ASIC2: variants seen among roughly 807,000 people sequenced by gnomAD.
The protein encoded by ASIC2 is acid sensing ion channel subunit 2.
Under a neutral mutation model 57.3 loss-of-function variants are expected in ASIC2, and 25 were observed. The observed-to-expected ratio is 0.44, with a 90% CI of 0.32 to 0.61. The LOEUF is 0.61. Among genes scored for constraint, ASIC2 ranks in the 20% least tolerant of loss-of-function variants. The pLI is 0.06. For synonymous variants in ASIC2, 319 were observed against 307.5 expected, an observed-to-expected ratio of 1.04 and a Z score of -0.39; for missense variants, 641 against 738.1, an observed-to-expected ratio of 0.87 and a Z score of 1.52.
chr17:34,121,175 G>T (rs887021744), intron 1 of ASIC2, among the ~76,000 whole-genome samples: 4 of 152,188 alleles, frequency 2.6e-5, no homozygotes, highest in Non-Finnish European at 4.4e-5. Flanking sequence ...AGCCAGAAGA[G>T]GCAAGAAAGG....
Position 33,965,712 on chromosome 17 carries a change from G to A in ASIC2, c.555+190266C>T, listed in dbSNP as rs528446173. On this transcript the variant is annotated intron_variant, in intron 1 of 9. Transcript: ENST00000359872. ...ATAGATCACAAGGCTTGGAAGTGAC[G>A]GAGCCTGGATCAATTCCCAGGCAGA... Among the ~76,000 whole-genome samples, 140 of 152,286 alleles carry A rather than the reference G, an allele frequency of 9.2e-4. 1 individual carries two copies. Among genetic ancestry groups the A allele is most frequent in the African/African-American group, 1.8e-3 (75 of 41,562 alleles).
chr17:33,980,335 C>A (rs1905567872), intron 1 of ASIC2, among the ~76,000 whole-genome samples: 1 of 152,174 alleles, frequency 6.6e-6, no homozygotes, highest in South Asian at 2.1e-4. Context: ...TTTGTGTCTC[C>A]ATCTCTACCA....
intron 1 of ASIC2, among the ~76,000 whole-genome samples, chr17:34,154,196 G>C (rs1461410267): frequency 6.6e-6 from 1 of 152,236 alleles, no homozygotes; most frequent in Non-Finnish European, 1.5e-5. Flanking sequence ...GCACGGTGCA[G>C]TGGTGAAGCC....
At chr17:33,870,490 A>G (rs1914375770) in intron 1 of ASIC2, among the ~76,000 whole-genome samples, 1 of 151,964 alleles carries the variant, frequency 6.6e-6, no homozygotes, top group African/African-American at 2.4e-5. Flanking sequence ...GGTAGGACAA[A>G]AGGTCATGGT....
At chr17:33,953,132 T>C (rs1188708066) in intron 1 of ASIC2, among the ~76,000 whole-genome samples, 1 of 151,930 alleles carries the variant, frequency 6.6e-6, no homozygotes, top group East Asian at 1.9e-4. Context: ...ATACAATGCA[T>C]TTAAAATTGA....
At chr17:33,734,927 G>C (rs1476724796) in intron 1 of ASIC2, among the ~76,000 whole-genome samples, 1 of 152,150 alleles carries the variant, frequency 6.6e-6, no homozygotes, top group Non-Finnish European at 1.5e-5. Context: ...GGCAACTCAA[G>C]TAGAGAATAC....
At chr17:33,894,926 C>T (rs538002776) in intron 1 of ASIC2, among the ~76,000 whole-genome samples, 4 of 152,132 alleles carry the variant, frequency 2.6e-5, no homozygotes, top group Admixed American at 2.0e-4. Context: ...GAGGATGCAC[C>T]CCATGCATCC....
intron 1 of ASIC2, among the ~76,000 whole-genome samples, chr17:33,318,220 A>G (rs1906733911): frequency 6.6e-6 from 1 of 152,010 alleles, no homozygotes; most frequent in Non-Finnish European, 1.5e-5. Context: ...ATTTCCAGAC[A>G]TGCTCTTTGG....
At chr17:33,822,808 A>G (rs1912786415) in intron 1 of ASIC2, among the ~76,000 whole-genome samples, 1 of 152,154 alleles carries the variant, frequency 6.6e-6, no homozygotes, top group Non-Finnish European at 1.5e-5. Context: ...TCTATACCTA[A>G]TACCTTGGAT....
intron 1 of ASIC2, among the ~76,000 whole-genome samples, chr17:33,930,726 C>T (rs1915912914): frequency 1.3e-5 from 2 of 152,172 alleles, no homozygotes. Context: ...TTGGCAGTGG[C>T]CCCAGTGGGC....
At chr17:33,807,572 T>C (rs1169540388) in intron 1 of ASIC2, among the ~76,000 whole-genome samples, 2 of 152,154 alleles carry the variant, frequency 1.3e-5, no homozygotes, top group African/African-American at 4.8e-5. Context: ...TCTTTCCCTC[T>C]TTACTCTCTT....
intron 1 of ASIC2, among the ~76,000 whole-genome samples, chr17:33,269,659 CTT>C (rs1904380085): frequency 1.1e-5 from 1 of 89,052 alleles, no homozygotes; most frequent in African/African-American, 4.0e-5. Flanking sequence ...TCCTTCCTTC[CTT>C]CCTTCCTTCC....
chr17:33,464,672 T>C (rs1351766910), intron 1 of ASIC2, among the ~76,000 whole-genome samples: 1 of 99,548 alleles, frequency 1.0e-5, no homozygotes, highest in South Asian at 4.1e-4. Flanking sequence ...TCTCTCTCCC[T>C]CTCTCTCTCT....
intron 6 of ASIC2, among the ~76,000 whole-genome samples, 186 bp from the exon 7 acceptor site, chr17:33,021,496 G>A (rs551456992): frequency 1.6e-4 from 25 of 152,352 alleles, no homozygotes; most frequent in South Asian, 6.2e-4. Context: ...CTCCCAGCCC[G>A]GGTCTGGAGG....
chr17:33,089,997 C>T (rs752184439), intron 2 of ASIC2, among the ~76,000 whole-genome samples: 7 of 152,210 alleles, frequency 4.6e-5, no homozygotes, highest in African/African-American at 1.7e-4. Flanking sequence ...AGAATGAGCT[C>T]TCCAAATGTA....
intron 1 of ASIC2, among the ~76,000 whole-genome samples, chr17:33,196,636 G>C (rs1166003219): frequency 6.6e-6 from 1 of 152,224 alleles, no homozygotes; most frequent in African/African-American, 2.4e-5. Flanking sequence ...GCTTATGTCT[G>C]ATTAGGAAAC....
chr17:33,270,580 A>G (rs555230449), intron 1 of ASIC2, among the ~76,000 whole-genome samples: 1 of 152,200 alleles, frequency 6.6e-6, no homozygotes, highest in Non-Finnish European at 1.5e-5. Context: ...AGCTTTAAAC[A>G]TTTTAACCTA....
chr17:33,579,484 C>CA (rs1916810165), intron 1 of ASIC2, among the ~76,000 whole-genome samples: 1 of 152,102 alleles, frequency 6.6e-6, no homozygotes, highest in Non-Finnish European at 1.5e-5. Context: ...CATTGAGAAT[C>CA]ACGTGCCTTA....
At chr17:33,290,878 T>C (rs916410321) in intron 1 of ASIC2, 1 of 152,946 alleles carries the variant, frequency 6.5e-6, no homozygotes, top group South Asian at 2.1e-4. Flanking sequence ...TTTGGGAACT[T>C]TGAAGACATA....
Sources: gnomAD v4.1 joint callset for allele counts (sites outside exome capture counted in the v4.1 genomes callset) on GRCh38, gnomAD v4.1.1 for gene constraint, MANE v1.5 for transcripts, NCBI Gene and HGNC (gene_info 2026-07-23, HGNC 2026-07-21) for gene names.